GET1: variants seen among roughly 807,000 people sequenced by gnomAD.
GET1 encodes the protein congenital heart disease 5 protein.
GET1 carries 20 observed loss-of-function variants against 22.6 expected under a neutral mutation model. That is an observed-to-expected ratio of 0.89 (90% CI 0.62 to 1.29). The LOEUF is 1.29. Ranked by LOEUF, GET1 falls within the 50% of genes most tolerant of loss-of-function variation. The pLI, the probability that GET1 is intolerant of heterozygous loss-of-function variation, is 0.00. For missense variants in GET1, 209 were observed against 219.9 expected, an observed-to-expected ratio of 0.95 and a Z score of 0.31; for synonymous variants, 92 against 83.8, an observed-to-expected ratio of 1.10 and a Z score of -0.53.
At chr21:39,420,599 T>C (rs1292544013) in intron 1 of GET1, 2 of 873,746 alleles carry the variant, frequency 2.3e-6, no homozygotes, top group Admixed American at 2.4e-5. Context: ...AGGAGCCTTA[T>C]ATATGTATGT....
rs943026090 is a variant in GET1, at chr21:39,391,562, A to G, written c.269-207A>G. On this transcript the variant is annotated intron_variant, in intron 2 of 4. Coordinates refer to ENST00000649170, the MANE Select transcript of GET1 (RefSeq NM_004627.6). The stretch of plus-strand genomic sequence containing the variant: ...CAAAATTAAAGCTATTCAAATCTCA[A>G]TCTGAGTCGGATACTATTTTAAATA... 7 of 538,288 alleles carry G rather than the reference A, an allele frequency of 1.3e-5. 1 individual carries two copies. The highest frequency in any genetic ancestry group is 8.6e-5 in the South Asian group (4 of 46,506). 33.3% of individuals were successfully genotyped at this position (538,288 alleles called of 1,614,324 possible). A position where few individuals can be genotyped will look rare whatever the true frequency, so the allele number is the denominator to read the frequency against.
At chr21:39,406,195 A>G (rs111589270) in exon 5 of GET1, 9 of 1,614,248 alleles carry the variant, frequency 5.6e-6, no homozygotes, top group African/African-American at 4.0e-5. Context: ...AGAATGCTCT[A>G]GCTCCATTTC....
chr21:39,387,870 G>A, intron 1 of GET1: 1 of 978,664 alleles, frequency 1.0e-6, no homozygotes, highest in Non-Finnish European at 1.2e-6. Context: ...GCTGGAAGGG[G>A]GAGGGGGGGG....
intron 1 of GET1, among the ~76,000 whole-genome samples, chr21:39,420,387 G>A (rs1362680664): frequency 1.3e-5 from 2 of 151,984 alleles, no homozygotes; most frequent in Admixed American, 6.6e-5. Context: ...GCCAAGCGTG[G>A]TGTTGCATGC....
intron 1 of GET1, 148 bp downstream of exon 1, chr21:39,380,634 T>G: frequency 6.9e-7 from 1 of 1,448,902 alleles, no homozygotes. Flanking sequence ...AGATAGTTGT[T>G]AGCGTCTAAA....
chr21:39,413,042 T>G (rs2040385669), intron 1 of GET1, among the ~76,000 whole-genome samples: 1 of 152,128 alleles, frequency 6.6e-6, no homozygotes, highest in Non-Finnish European at 1.5e-5. Context: ...AGCATTTGCA[T>G]CAACAGTCAG....
intron 4 of GET1, 79 bp from the exon 5 acceptor site, chr21:39,396,787 C>A: frequency 7.8e-7 from 1 of 1,281,858 alleles, no homozygotes; most frequent in Non-Finnish European, 1.1e-6. Context: ...ACTCTCTTTG[C>A]TGTGAGTTAA....
intron 1 of GET1, chr21:39,422,682 C>G: frequency 2.1e-6 from 1 of 477,266 alleles, no homozygotes; most frequent in Non-Finnish European, 3.6e-6. Context: ...AGTCCCTTAG[C>G]ACTGTAGCTG....
chr21:39,393,974 A>T (rs1483810764), intron 4 of GET1, among the ~76,000 whole-genome samples: 3 of 152,048 alleles, frequency 2.0e-5, no homozygotes, highest in Non-Finnish European at 1.5e-5. Flanking sequence ...TTGAAGATAA[A>T]TTTTTTTTAG....
downstream of GET1, among the ~76,000 whole-genome samples, chr21:39,399,730 C>G (rs191355275): frequency 1.8e-3 from 276 of 152,178 alleles, no homozygotes; most frequent in Middle Eastern, 6.8e-3. Context: ...TGAGCCACCA[C>G]GCCCAGTGGG....
chr21:39,421,663 A>G (rs1402571377), intron 1 of GET1: 1 of 152,214 alleles, frequency 6.6e-6, no homozygotes, highest in Admixed American at 6.5e-5. Context: ...GTTTTAACAT[A>G]AAGTAGGACC....
intron 4 of GET1, among the ~76,000 whole-genome samples, chr21:39,403,703 C>G (rs567193782): frequency 2.3e-3 from 353 of 151,798 alleles, no homozygotes; most frequent in Non-Finnish European, 3.8e-3. Context: ...CTCACTGCAA[C>G]CTCTGCCTCC....
chr21:39,389,904 G>T (rs566974292), intron 1 of GET1, among the ~76,000 whole-genome samples: 2 of 152,174 alleles, frequency 1.3e-5, no homozygotes, highest in African/African-American at 4.8e-5. Context: ...TGGAATAACA[G>T]CTCTGGTGAT....
intron 1 of GET1, chr21:39,387,938 TTAA>T: frequency 1.2e-6 from 1 of 805,860 alleles, no homozygotes; most frequent in Non-Finnish European, 1.5e-6. Context: ...TTCGTCTTTA[TTAA>T]TCTATTTTTA....
chr21:39,396,705 GAA>G (rs1162265321), intron 4 of GET1, among the ~76,000 whole-genome samples, 159 bp from the exon 5 acceptor site: 1 of 130,700 alleles, frequency 7.7e-6, no homozygotes, highest in Non-Finnish European at 1.7e-5. Flanking sequence ...AAAAAAAAAA[GAA>G]AGTGACAAAT....
chr21:39,390,920 G>A (rs2038258727), intron 2 of GET1, 57 bp downstream of exon 2: 14 of 1,584,474 alleles, frequency 8.8e-6, no homozygotes, highest in Non-Finnish European at 1.2e-5. Context: ...AGAGAAGTCT[G>A]TATGTGAAGA....
chr21:39,394,207 G>A (rs1272446330), intron 4 of GET1, among the ~76,000 whole-genome samples: 1 of 152,072 alleles, frequency 6.6e-6, no homozygotes, highest in African/African-American at 2.4e-5. Context: ...GTGCGTGCCT[G>A]TAATTCCAGC....
At chr21:39,388,549 A>T (rs565255258) in intron 1 of GET1, among the ~76,000 whole-genome samples, 1 of 152,188 alleles carries the variant, frequency 6.6e-6, no homozygotes, top group Non-Finnish European at 1.5e-5. Flanking sequence ...AGGGACGCCT[A>T]CTGGCATGTC....
rs2037975839 is a variant in GET1 at position 39,387,404 on chromosome 21, T to G, written c.103-3294T>G. ...AAGTGTAATTTGTATAAGGCGAAAT[T>G]ATCAAAAAGTCCTTAGCAGTGTCTG... On this transcript the variant is annotated intron_variant, in intron 1 of 4. Transcript: ENST00000649170. Among the ~76,000 whole-genome samples, 4 of 152,344 alleles carry G rather than the reference T, an allele frequency of 2.6e-5. No individual in the cohort carries two copies. The South Asian group carries it at 6.2e-4, about 24-fold the overall frequency.
Sources: allele counts gnomAD v4.1 joint callset (sites outside exome capture counted in the v4.1 genomes callset), GRCh38; gene constraint gnomAD v4.1.1; transcripts MANE v1.5; gene names NCBI Gene and HGNC (gene_info 2026-07-23, HGNC 2026-07-21).